PLCB1: variants seen among roughly 807,000 people sequenced by gnomAD.
The protein encoded by PLCB1 is phospholipase C beta 1, also known as 1-phosphatidylinositol 4,5-bisphosphate phosphodiesterase beta-1.
PLCB1 carries 46 observed loss-of-function variants against 161.8 expected under a neutral mutation model. The observed-to-expected ratio is 0.28, with a 90% CI of 0.22 to 0.36. The LOEUF (loss-of-function observed/expected upper bound fraction) is 0.36. Among genes scored for constraint, PLCB1 ranks in the 10% least tolerant of loss-of-function variants. The pLI, the probability that PLCB1 is intolerant of heterozygous loss-of-function variation, is 1.00. For synonymous variants in PLCB1, 517 were observed against 503.7 expected, an observed-to-expected ratio of 1.03 and a Z score of -0.35; for missense variants, 1,016 against 1,472.5, an observed-to-expected ratio of 0.69 and a Z score of 5.07.
chr20:8,629,853 C>A (rs1260202672), intron 4 of PLCB1, among the ~76,000 whole-genome samples: 1 of 93,290 alleles, frequency 1.1e-5, no homozygotes, highest in Non-Finnish European at 2.1e-5. Context: ...TTCTTTCTTT[C>A]TTTCTTTCTT....
chr20:8,642,078 T>G (rs979479347), intron 4 of PLCB1, among the ~76,000 whole-genome samples: 1 of 152,200 alleles, frequency 6.6e-6, no homozygotes, highest in Non-Finnish European at 1.5e-5. Flanking sequence ...AGTAATATTA[T>G]TATGCTAGTT....
chr20:8,863,510 C>T lies in PLCB1; in HGVS notation c.3424-18112C>T, dbSNP rs1053362948. 1.3e-5 allele frequency among the ~76,000 whole-genome samples: 2 copies of T among 152,246 alleles called. 1 individual carries two copies. The highest frequency in any genetic ancestry group is 1.3e-4 in the Admixed American group (2 of 15,292). ...AACACAGATGACTGGGCTCCCACCCCCAAAGCTTCCGACTTAGTAAGTTTA... is the reference window on the plus strand; with the variant it reads ...AACACAGATGACTGGGCTCCCACCCTCAAAGCTTCCGACTTAGTAAGTTTA... On this transcript the variant is annotated intron_variant, in intron 31 of 31. Transcript: ENST00000338037.
intron 2 of PLCB1, among the ~76,000 whole-genome samples, chr20:8,330,538 C>T (rs1490668169): frequency 6.6e-6 from 1 of 152,200 alleles, no homozygotes; most frequent in Non-Finnish European, 1.5e-5. Context: ...GACGAGTGTT[C>T]ATTTTTCACA....
At chr20:8,663,708 G>A (rs950316064) in intron 9 of PLCB1, among the ~76,000 whole-genome samples, 4 of 152,158 alleles carry the variant, frequency 2.6e-5, no homozygotes, top group Admixed American at 2.6e-4. Flanking sequence ...TCCTGGGAGT[G>A]TGGTTTATTT....
At chr20:8,342,104 T>G (rs538535829) in intron 2 of PLCB1, among the ~76,000 whole-genome samples, 2 of 152,260 alleles carry the variant, frequency 1.3e-5, no homozygotes, top group South Asian at 4.1e-4. Flanking sequence ...GAACTAACAT[T>G]TTGTTTGCTC....
chr20:8,271,691 A>G (rs748780253), intron 2 of PLCB1, among the ~76,000 whole-genome samples: 1 of 152,108 alleles, frequency 6.6e-6, no homozygotes, highest in Non-Finnish European at 1.5e-5. Flanking sequence ...CTCCAGAAAC[A>G]AAGTTGTCTT....
At chr20:8,873,278 G>A (rs576780240) in intron 31 of PLCB1, among the ~76,000 whole-genome samples, 2 of 152,186 alleles carry the variant, frequency 1.3e-5, no homozygotes, top group East Asian at 3.9e-4. Flanking sequence ...AATAAGATGA[G>A]GCCTTGCACG....
At chr20:8,391,785 G>GTATATATATA (rs374178427) in intron 3 of PLCB1, among the ~76,000 whole-genome samples, 5 of 115,156 alleles carry the variant, frequency 4.3e-5, no homozygotes, top group Non-Finnish European at 5.3e-5. Context: ...ATATGTGTGT[G>GTATATATATA]TATATATATA....
At chr20:8,162,247 C>T (rs2051632917) in intron 2 of PLCB1, among the ~76,000 whole-genome samples, 1 of 152,010 alleles carries the variant, frequency 6.6e-6, no homozygotes, top group Admixed American at 6.6e-5. Flanking sequence ...TTTTGAGACC[C>T]TTGTTTAGAT....
At chr20:8,230,177 A>T (rs1979952378) in intron 2 of PLCB1, among the ~76,000 whole-genome samples, 1 of 151,692 alleles carries the variant, frequency 6.6e-6, no homozygotes, top group Admixed American at 6.6e-5. Context: ...TATGTACTTT[A>T]AAAGTAGAAG....
At chr20:8,780,882 GAAC>G (rs199949376) in intron 27 of PLCB1, among the ~76,000 whole-genome samples, 3,315 of 152,266 alleles carry the variant, frequency 0.022, 48 homozygotes, top group South Asian at 0.05. Context: ...CTGTAAGGAG[GAAC>G]AACAAGATAA....
chr20:8,170,914 T>C (rs2051726698), intron 2 of PLCB1, among the ~76,000 whole-genome samples: 1 of 152,208 alleles, frequency 6.6e-6, no homozygotes, highest in Admixed American at 6.5e-5. Flanking sequence ...CTCATATTGA[T>C]GTGGCAAACA....
chr20:8,134,557 C>T (rs2122996578), intron 1 of PLCB1, among the ~76,000 whole-genome samples: 1 of 152,302 alleles, frequency 6.6e-6, no homozygotes, highest in African/African-American at 2.4e-5. Context: ...TTCTGTAACA[C>T]ATATTTCTTG....
chr20:8,408,995 T>C (rs1445453212), intron 3 of PLCB1, among the ~76,000 whole-genome samples: 2 of 152,214 alleles, frequency 1.3e-5, no homozygotes, highest in Admixed American at 6.5e-5. Context: ...TTTTCAGTAT[T>C]TTACATGGTA....
intron 2 of PLCB1, among the ~76,000 whole-genome samples, chr20:8,331,755 A>T (rs1464304201): frequency 6.6e-6 from 1 of 152,226 alleles, no homozygotes; most frequent in Non-Finnish European, 1.5e-5. Flanking sequence ...TTTGGGGGAA[A>T]TATCCCTTAA....
chr20:8,203,551 C>T (rs1282653036), intron 2 of PLCB1, among the ~76,000 whole-genome samples: 1 of 152,034 alleles, frequency 6.6e-6, no homozygotes, highest in Non-Finnish European at 1.5e-5. Context: ...GTACATGTCA[C>T]CAGGCCGGGG....
At chr20:8,342,796 A>T (rs571875124) in intron 2 of PLCB1, among the ~76,000 whole-genome samples, 4 of 152,320 alleles carry the variant, frequency 2.6e-5, no homozygotes, top group South Asian at 4.1e-4. Context: ...GTGTTACACT[A>T]ATGACTTTAC....
intron 3 of PLCB1, among the ~76,000 whole-genome samples, chr20:8,375,594 G>C (rs753788695): frequency 1.3e-5 from 2 of 152,110 alleles, no homozygotes; most frequent in African/African-American, 2.4e-5. Flanking sequence ...GTTTTAAAAA[G>C]GATGCTGAAC....
chr20:8,253,223 T>C (rs1322709901), intron 2 of PLCB1, among the ~76,000 whole-genome samples: 2 of 151,990 alleles, frequency 1.3e-5, no homozygotes, highest in Non-Finnish European at 2.9e-5. Flanking sequence ...CTTCAGCCAA[T>C]AACTGATAGG....
Sources: gnomAD v4.1 joint callset for allele counts (sites outside exome capture counted in the v4.1 genomes callset) on GRCh38, gnomAD v4.1.1 for gene constraint, MANE v1.5 for transcripts, NCBI Gene and HGNC (gene_info 2026-07-23, HGNC 2026-07-21) for gene names.